ARHGAP15: variants seen among roughly 807,000 people sequenced by gnomAD.
ARHGAP15 encodes rho GTPase-activating protein 15.
Under a neutral mutation model 63.7 loss-of-function variants are expected in ARHGAP15, and 51 were observed. The observed-to-expected ratio is 0.80, with a 90% CI of 0.64 to 1.01. The LOEUF is 1.01. Ranked by LOEUF, ARHGAP15 falls within the 50% of genes least tolerant of loss-of-function variation. The pLI is 0.00. For synonymous variants in ARHGAP15, 191 were observed against 193.8 expected (o/e 0.99, Z 0.12); for missense variants, 560 against 564.6 (o/e 0.99, Z 0.08).
At position 143,475,746 on chromosome 2, in the gene ARHGAP15, T is replaced by C. The variant is rs938943098; in HGVS notation, c.704-11627T>C. On this transcript the variant is annotated intron_variant, in intron 8 of 13. Coordinates refer to ENST00000295095, the MANE Select transcript of ARHGAP15 (RefSeq NM_018460.4). ...AGCAGCCATCCTCCTGGGCCATAGC[T>C]TACAGCCAGAGACAAGACCCAAAGG... 7.9e-5 allele frequency among the ~76,000 whole-genome samples: 12 copies of C among 152,298 alleles called. 1 individual carries two copies. In the South Asian group the frequency reaches 2.5e-3, roughly 32 times the overall value.
intron 11 of ARHGAP15, among the ~76,000 whole-genome samples, chr2:143,616,518 G>A (rs1048628306): frequency 6.6e-5 from 10 of 152,236 alleles, no homozygotes; most frequent in African/African-American, 2.2e-4. Context: ...AAAGCACACC[G>A]AAAGCAAGCT....
intron 6 of ARHGAP15, among the ~76,000 whole-genome samples, chr2:143,253,392 A>G (rs991030269): frequency 6.6e-6 from 1 of 152,078 alleles, no homozygotes; most frequent in Non-Finnish European, 1.5e-5. Flanking sequence ...ATTTGTTCAT[A>G]TATGCTGTTT....
chr2:143,435,582 C>CTTTTTTTTTT lies in ARHGAP15; in HGVS notation c.475-14_475-5dup, dbSNP rs11438710. On this transcript the variant is annotated intron_variant, in intron 6 of 13. Coordinates refer to ENST00000295095, the MANE Select transcript of ARHGAP15 (RefSeq NM_018460.4). The stretch of plus-strand genomic sequence containing the variant: ...TTTCTTTACCTGTCTATTTCTTTTT[C>CTTTTTTTTTT]TTTTTTTTTTTTTTGCAGATCACAA... 6 of 1,356,126 alleles carry CTTTTTTTTTT rather than the reference C, an allele frequency of 4.4e-6. No homozygotes were observed. Among genetic ancestry groups the CTTTTTTTTTT allele is most frequent in the Non-Finnish European group, 4.8e-6 (5 of 1,043,000 alleles). The allele number at this position is 1,356,126 out of a possible 1,614,324, so 84.0% of individuals were successfully genotyped here. A position where few individuals can be genotyped will look rare whatever the true frequency, so the allele number is the denominator to read the frequency against.
intron 11 of ARHGAP15, chr2:143,564,080 G>C (rs1353443191): frequency 6.6e-6 from 1 of 152,244 alleles, no homozygotes. Flanking sequence ...TGGCAGGATT[G>C]AGTTCCTTGT....
At chr2:143,236,020 C>CA in intron 5 of ARHGAP15, 1 of 1,534,616 alleles carries the variant, frequency 6.5e-7, no homozygotes. Flanking sequence ...TTTGGTTAAA[C>CA]AAAACCCATT....
chr2:143,629,644 G>GT (rs980051641), intron 12 of ARHGAP15, among the ~76,000 whole-genome samples: 6 of 152,056 alleles, frequency 3.9e-5, no homozygotes, highest in East Asian at 1.9e-4. Context: ...AACAAGCAAT[G>GT]TTTTTTCTGT....
At chr2:143,589,645 G>T (rs138492895) in intron 11 of ARHGAP15, among the ~76,000 whole-genome samples, 1,658 of 152,074 alleles carry the variant, frequency 0.011, 28 homozygotes, top group African/African-American at 0.038. Flanking sequence ...TTAGGTCTAG[G>T]GTAGGCTTCT....
chr2:143,707,032 G>A (rs1488156009), intron 13 of ARHGAP15, among the ~76,000 whole-genome samples: 2 of 152,180 alleles, frequency 1.3e-5, no homozygotes, highest in Non-Finnish European at 2.9e-5. Flanking sequence ...ATGGATAGTA[G>A]CTGGTGGTTG....
intron 6 of ARHGAP15, among the ~76,000 whole-genome samples, chr2:143,409,455 A>C (rs1688353816): frequency 6.6e-6 from 1 of 152,050 alleles, no homozygotes; most frequent in South Asian, 2.1e-4. Flanking sequence ...ACTGGGCTTA[A>C]CCACTTATTT....
In ARHGAP15 at chr2:143,304,392, G is replaced by A. The variant is rs564102371; in HGVS notation, c.474+53792G>A. Among the ~76,000 whole-genome samples, 5 of 152,088 alleles carry A rather than the reference G, an allele frequency of 3.3e-5. 1 individual carries two copies. The South Asian group carries it at 8.3e-4, about 25-fold the overall frequency. Reference sequence around the variant, plus strand: ...CACCGCATATTCTCACACATAGGTGGGAATTGAACAATGAGAACACAGGGA... The same window carrying A: ...CACCGCATATTCTCACACATAGGTGAGAATTGAACAATGAGAACACAGGGA... On this transcript the variant is annotated intron_variant, in intron 6 of 13. Transcript: ENST00000295095.
At chr2:143,276,916 G>T (rs547536570) in intron 6 of ARHGAP15, among the ~76,000 whole-genome samples, 1 of 152,294 alleles carries the variant, frequency 6.6e-6, no homozygotes, top group South Asian at 2.1e-4. Flanking sequence ...CATTGGCTTA[G>T]CTTTAGGCAC....
chr2:143,244,690 C>T (rs944996948), intron 5 of ARHGAP15, among the ~76,000 whole-genome samples: 10 of 152,058 alleles, frequency 6.6e-5, no homozygotes, highest in African/African-American at 2.4e-4. Flanking sequence ...TGGACACTAT[C>T]CCGTAGATAA....
At chr2:143,176,312 A>G (rs1166239636) in intron 2 of ARHGAP15, among the ~76,000 whole-genome samples, 1 of 152,216 alleles carries the variant, frequency 6.6e-6, no homozygotes. Flanking sequence ...GCAGTTTTCA[A>G]AAACAATTGA....
chr2:143,298,276 TA>T (rs144492377), intron 6 of ARHGAP15, among the ~76,000 whole-genome samples: 1 of 151,888 alleles, frequency 6.6e-6, no homozygotes, highest in Admixed American at 6.6e-5. Context: ...GAAAAAATGG[TA>T]AAAAAGGTAA....
chr2:143,637,071 G>A (rs571645629), intron 12 of ARHGAP15, among the ~76,000 whole-genome samples: 2 of 151,052 alleles, frequency 1.3e-5, no homozygotes, highest in South Asian at 2.1e-4. Context: ...TACCAGGAGA[G>A]CCCCACCCTC....
chr2:143,137,529 G>C (rs1262890458), intron 1 of ARHGAP15, among the ~76,000 whole-genome samples: 1 of 151,992 alleles, frequency 6.6e-6, no homozygotes, highest in South Asian at 2.1e-4. Context: ...GTGATGAAAG[G>C]TTGGGTTTGA....
intron 10 of ARHGAP15, among the ~76,000 whole-genome samples, chr2:143,540,262 G>T (rs1431462299): frequency 2.0e-5 from 3 of 151,994 alleles, no homozygotes; most frequent in Non-Finnish European, 4.4e-5. Flanking sequence ...TTTATTTTGA[G>T]CCTATATGTG....
intron 11 of ARHGAP15, among the ~76,000 whole-genome samples, chr2:143,591,675 C>T (rs886826780): frequency 6.7e-6 from 1 of 148,520 alleles, no homozygotes; most frequent in African/African-American, 2.5e-5. Flanking sequence ...GGCTGGAGTG[C>T]AATGGCACGA....
At chr2:143,573,812 T>C (rs1696557981) in intron 11 of ARHGAP15, among the ~76,000 whole-genome samples, 1 of 152,176 alleles carries the variant, frequency 6.6e-6, no homozygotes, top group South Asian at 2.1e-4. Context: ...AACCCAGTTC[T>C]AGTTGTTGGA....
Sources: allele counts gnomAD v4.1 joint callset (sites outside exome capture counted in the v4.1 genomes callset), GRCh38; gene constraint gnomAD v4.1.1; transcripts MANE v1.5; gene names NCBI Gene and HGNC (gene_info 2026-07-23, HGNC 2026-07-21).